Variants in GAL3ST1 observed in about 807,000 individuals in gnomAD.
The protein encoded by GAL3ST1 is galactosylceramide sulfotransferase.
In GAL3ST1, 13 loss-of-function variants were observed where a neutral mutation model predicts 25.0. The observed-to-expected ratio is 0.52, with a 90% confidence interval of 0.34 to 0.83. The LOEUF (loss-of-function observed/expected upper bound fraction) is 0.83, where lower values mean the gene tolerates loss of function less well. Among genes scored for constraint, GAL3ST1 ranks in the 40% least tolerant of loss-of-function variants. GAL3ST1 has a pLI of 0.02. For missense variants in GAL3ST1, 474 were observed against 613.6 expected, an observed-to-expected ratio of 0.77 and a Z score of 2.40; for synonymous variants, 274 against 277.8, an observed-to-expected ratio of 0.99 and a Z score of 0.14.
At chr22:30,573,565 T>C (rs2086835547) in intron 1 of GAL3ST1, among the ~76,000 whole-genome samples, 1 of 152,162 alleles carries the variant, frequency 6.6e-6, no homozygotes, top group Non-Finnish European at 1.5e-5. Context: ...AGGAAGAGAT[T>C]GGGTTTTCCC....
At chr22:30,557,069 G>A (rs2086079053) in intron 3 of GAL3ST1, among the ~76,000 whole-genome samples, 193 bp downstream of exon 3, 1 of 152,172 alleles carries the variant, frequency 6.6e-6, no homozygotes, top group African/African-American at 2.4e-5. Flanking sequence ...TTCACAGATG[G>A]GCACACCAAG....
At chr22:30,556,998 G>A (rs2086072147) in intron 3 of GAL3ST1, among the ~76,000 whole-genome samples, 1 of 152,228 alleles carries the variant, frequency 6.6e-6, no homozygotes, top group Non-Finnish European at 1.5e-5. Context: ...GCCTCCCAAA[G>A]TGCTAGGATT....
At chr22:30,563,910 C>T (rs1377287214) in intron 1 of GAL3ST1, among the ~76,000 whole-genome samples, 6 of 103,138 alleles carry the variant, frequency 5.8e-5, no homozygotes, top group African/African-American at 1.8e-4. Context: ...AGCGAGACCC[C>T]GTCTCAAAAA....
In GAL3ST1 at chr22:30,555,537, G is replaced by T; in HGVS notation, c.688C>A (p.Pro230Thr). Residue 230 changes from proline (P) to threonine (T), a missense_variant, in exon 4 of 4, where the codon CCC becomes ACC. Coordinates refer to ENST00000406361, the MANE Select transcript of GAL3ST1 (RefSeq NM_001318104.2). The surrounding 1 kb of genome is among the most constrained non-coding windows in gnomAD (Gnocchi z 8.6). ...TGCTCCTGCACCTGCGGGCTGCTGG[G>T]GTCCAGGCTGTTGTCATAGCCCAGG... ...FDLGYDNSLD[P>T]SSPQVQEHIL... The T allele has an allele frequency of 6.2e-7, 1 of 1,613,666 alleles. No homozygotes were observed. The highest frequency in any genetic ancestry group is 8.5e-7 in the Non-Finnish European group (1 of 1,179,994).
intron 3 of GAL3ST1, among the ~76,000 whole-genome samples, 166 bp downstream of exon 3, chr22:30,557,096 C>T (rs950715692): frequency 1.3e-5 from 2 of 152,198 alleles, no homozygotes; most frequent in South Asian, 2.1e-4. Context: ...AGTTACACGG[C>T]GAGCTCTGCC....
At chr22:30,561,448 CTGTCACCCCCATT>C (rs1045093301) in intron 1 of GAL3ST1, among the ~76,000 whole-genome samples, 2 of 152,246 alleles carry the variant, frequency 1.3e-5, no homozygotes, top group Admixed American at 1.3e-4. Context: ...CCCCACCCTG[CTGTCACCCCCATT>C]TGGTAGATGG....
At chr22:30,557,535 G>A (rs2086117813) in intron 2 of GAL3ST1, 134 bp from the exon 3 acceptor site, 1 of 893,112 alleles carries the variant, frequency 1.1e-6, no homozygotes. Flanking sequence ...GACAGGGACA[G>A]AGAGGCACTG....
chr22:30,555,694 G>A lies in GAL3ST1; in HGVS notation c.531C>T (p.Phe177=). ...TCCACGTGAGGGGCACCACCGGCCC[G>A]AAGTAGTGGAAGGAGGACTCGAACA... ...ARLFESSFHY[F]GPVVPLTWKL... is the part of the protein sequence containing the mutation. Residue 177 remains phenylalanine (F), a synonymous_variant, in exon 4 of 4, where the codon TTC becomes TTT. Coordinates refer to ENST00000406361, the MANE Select transcript of GAL3ST1 (RefSeq NM_001318104.2). The surrounding 1 kb of genome is among the most constrained non-coding windows in gnomAD (Gnocchi z 8.6). 1.2e-6 allele frequency: 2 copies of A among 1,613,886 alleles called. No homozygotes were observed. The highest frequency in any genetic ancestry group is 1.7e-6 in the Non-Finnish European group (2 of 1,180,030).
intron 1 of GAL3ST1, among the ~76,000 whole-genome samples, chr22:30,566,451 G>A (rs2086627278): frequency 1.3e-5 from 2 of 152,198 alleles, no homozygotes; most frequent in South Asian, 4.1e-4. Context: ...TCATCTAGGT[G>A]AGAGTGAAGT....
chr22:30,571,859 G>T (rs1356266781), intron 1 of GAL3ST1, among the ~76,000 whole-genome samples: 1 of 152,098 alleles, frequency 6.6e-6, no homozygotes, highest in Non-Finnish European at 1.5e-5. Flanking sequence ...GCAAGACTCC[G>T]TCTCAAAAAC....
chr22:30,561,256 T>C (rs2086395087), intron 1 of GAL3ST1, among the ~76,000 whole-genome samples: 1 of 152,210 alleles, frequency 6.6e-6, no homozygotes, highest in South Asian at 2.1e-4. Context: ...CATTTGCTAT[T>C]TCTCAAAGCT....
intron 1 of GAL3ST1, among the ~76,000 whole-genome samples, chr22:30,573,702 G>C (rs1203522180): frequency 6.6e-6 from 1 of 152,240 alleles, no homozygotes; most frequent in Admixed American, 6.5e-5. Flanking sequence ...CCCCTGGTGT[G>C]GGTTACAGCA....
rs2086224465 is a variant in GAL3ST1 at position 30,559,173 on chromosome 22, T to C, written c.-119-785A>G. Among the ~76,000 whole-genome samples the C allele has an allele frequency of 2.0e-5, 3 of 152,282 alleles. No individual in the cohort carries two copies. In the South Asian group the frequency reaches 6.2e-4, roughly 32 times the overall value. ...ACTCTGTCTCAAAAAAAAAAAATTA[T>C]TCAAACTTCAAACTTAACTAGATGT... On this transcript the variant is annotated intron_variant, in intron 1 of 3. Coordinates refer to ENST00000406361, the MANE Select transcript of GAL3ST1 (RefSeq NM_001318104.2).
At position 30,555,715 on chromosome 22, in the gene GAL3ST1, G is replaced by C. The variant is rs769714165; in HGVS notation, c.510C>G (p.Phe170Leu). Residue 170 changes from phenylalanine (F) to leucine (L), a missense_variant, in exon 4 of 4, where the codon TTC (phenylalanine) becomes TTG (leucine). Physicochemically the swap from Phe to Leu is conservative, Grantham distance 22. Transcript: ENST00000406361. The surrounding 1 kb of genome is among the most constrained non-coding windows in gnomAD (Gnocchi z 8.6). ...GCCCGAAGTAGTGGAAGGAGGACTC[G>C]AACAAGCGGGCGGGGTCGCGGAGCA... ...ITVLRDPARL[F>L]ESSFHYFGPV... 1 of 1,613,950 alleles carries C rather than the reference G, an allele frequency of 6.2e-7. No individual in the cohort carries two copies. The highest frequency in any genetic ancestry group is 2.2e-5 in the East Asian group (1 of 44,882).
chr22:30,561,064 C>T (rs2086382396), intron 1 of GAL3ST1, among the ~76,000 whole-genome samples: 1 of 152,210 alleles, frequency 6.6e-6, no homozygotes, highest in Admixed American at 6.5e-5. Flanking sequence ...CCTGCCTCAG[C>T]CTCTCGAGTA....
rs1196562642 is a variant in GAL3ST1, at chr22:30,554,721, G to C, written c.*232C>G. The C allele has an allele frequency of 2.4e-6, 1 of 411,030 alleles. No homozygotes were observed. Among genetic ancestry groups the C allele is most frequent in the African/African-American group, 2.1e-5 (1 of 48,444 alleles). The allele number at this position is 411,030 out of a possible 1,614,324, so 25.5% of individuals were successfully genotyped here. A position where few individuals can be genotyped will look rare whatever the true frequency, so the allele number is the denominator to read the frequency against. On this transcript the variant is annotated 3_prime_UTR_variant, in exon 4 of 4. Coordinates refer to ENST00000406361, the MANE Select transcript of GAL3ST1 (RefSeq NM_001318104.2). ...AAATAGAACATTCTTTATCGGGGAG[G>C]GAAAGGGGTTTAATAAAAACTGGTA... is the stretch of plus-strand genomic sequence containing the variant.
Position 30,555,004 on chromosome 22 carries a change from G to C in GAL3ST1, c.1221C>G (p.Asn407Lys). The change falls in exon 4 of 4, where the codon AAC (asparagine) becomes AAG (lysine). Residue 407 changes from asparagine (N) to lysine (K), a missense_variant. Coordinates refer to ENST00000406361, the MANE Select transcript of GAL3ST1 (RefSeq NM_001318104.2). The surrounding 1 kb of genome is among the most constrained non-coding windows in gnomAD (Gnocchi z 8.6). ...EIQYLMDLGA[N>K]LWVTKLWKFI... Reference sequence around the variant, plus strand: ...ACTTCCAGAGCTTGGTGACCCACAGGTTGGCGCCGAGGTCCATCAGGTACT... The same window carrying C: ...ACTTCCAGAGCTTGGTGACCCACAGCTTGGCGCCGAGGTCCATCAGGTACT... 1.3e-6 allele frequency: 2 copies of C among 1,597,568 alleles called. No individual in the cohort carries two copies. The highest frequency in any genetic ancestry group is 1.7e-6 in the Non-Finnish European group (2 of 1,167,948).
At position 30,555,593 on chromosome 22, in the gene GAL3ST1, G is replaced by A. The variant is rs747764890; in HGVS notation, c.632C>T (p.Ala211Val). ...GAAGAGCAGGTTTCGGAGGTAGTGG[G>A]CATTGAAGCCGTTGGGGTCGTAGTA... Reference protein sequence around the residue: ...DRYYDPNGFNAHYLRNLLFFD... With the variant: ...DRYYDPNGFNVHYLRNLLFFD... Residue 211 changes from alanine to valine, a missense_variant, in exon 4 of 4, where the codon GCC becomes GTC. Ala to Val is a moderately conservative substitution (Grantham distance 64, BLOSUM62 0). Coordinates refer to ENST00000406361, the MANE Select transcript of GAL3ST1 (RefSeq NM_001318104.2). This position sits in a 1 kb window ranked among gnomAD's most constrained non-coding sequence, Gnocchi z 8.6. 3 of 1,613,562 alleles carry A rather than the reference G, an allele frequency of 1.9e-6. No homozygotes were observed. Among genetic ancestry groups the A allele is most frequent in the Non-Finnish European group, 2.5e-6 (3 of 1,180,026 alleles).
rs375153093 is a variant in GAL3ST1, at chr22:30,567,869, G to A, written c.-120+6597C>T. Among the ~76,000 whole-genome samples, 166 of 151,948 alleles carry A rather than the reference G, an allele frequency of 1.1e-3. 2 individuals are homozygous for A. The highest frequency in any genetic ancestry group is 4.4e-3 in the East Asian group (23 of 5,172). On this transcript the variant is annotated intron_variant, in intron 1 of 3. Transcript: ENST00000406361. ...CAGCTAATTTTGTATTTTTAGTAGA[G>A]ACAGGGTTTCACCACCTTGGGCAGG...
Sources: allele counts gnomAD v4.1 joint callset (sites outside exome capture counted in the v4.1 genomes callset), GRCh38; gene constraint gnomAD v4.1.1; non-coding constraint Gnocchi (gnomAD v3.1); transcripts MANE v1.5; gene names NCBI Gene and HGNC (gene_info 2026-07-23, HGNC 2026-07-21).